The following ASTN1 variants were observed in gnomAD, a reference collection of about 807,000 sequenced individuals.
The protein encoded by ASTN1 is astrotactin 1.
A neutral mutation model predicts 140.7 loss-of-function variants in ASTN1; 41 were observed. The ratio of observed to expected loss-of-function variants is 0.29; its 90% CI spans 0.23 to 0.38. The LOEUF (loss-of-function observed/expected upper bound fraction) is 0.38. Ranked by LOEUF, ASTN1 falls within the 10% of genes least tolerant of loss-of-function variation. The pLI, the probability that ASTN1 is intolerant of heterozygous loss-of-function variation, is 1.00. For missense variants in ASTN1, 1,479 were observed against 1,678.8 expected (o/e 0.88, Z 2.08); for synonymous variants, 640 against 652.2 (o/e 0.98, Z 0.29).
Position 177,115,852 on chromosome 1 carries a change from G to A in ASTN1, c.283+48542C>T, listed in dbSNP as rs573581776. Reference sequence around the variant, plus strand: ...ATTCCTTCAGGTCTTCCTCTATGCCGATGTATCTACACACGCAACATTTAA... The same window carrying A: ...ATTCCTTCAGGTCTTCCTCTATGCCAATGTATCTACACACGCAACATTTAA... On this transcript the variant is annotated intron_variant, in intron 1 of 22. Transcript: ENST00000361833. Among the ~76,000 whole-genome samples, 7 of 151,416 alleles carry A rather than the reference G, an allele frequency of 4.6e-5. No homozygotes were observed. The East Asian group carries it at 5.9e-4, about 13-fold the overall frequency.
At chr1:177,038,904 G>T (rs967055255) in intron 2 of ASTN1, among the ~76,000 whole-genome samples, 11 of 152,148 alleles carry the variant, frequency 7.2e-5, no homozygotes, top group Non-Finnish European at 1.3e-4. Context: ...TCAAACCAAA[G>T]AAACTGGTAG....
chr1:176,944,122 G>A, intron 13 of ASTN1, 104 bp from the exon 14 acceptor site: 1 of 1,456,036 alleles, frequency 6.9e-7, no homozygotes, highest in Non-Finnish European at 9.4e-7. Flanking sequence ...TTGTTGCCCA[G>A]GCTGGAGTGC....
chr1:176,996,646 G>T (rs557534347), intron 8 of ASTN1, among the ~76,000 whole-genome samples: 1 of 152,186 alleles, frequency 6.6e-6, no homozygotes, highest in Non-Finnish European at 1.5e-5. Flanking sequence ...CTTAATACAC[G>T]TGTAGGTTTG....
At chr1:176,917,050 C>A (rs995583185) in intron 16 of ASTN1, among the ~76,000 whole-genome samples, 4 of 152,200 alleles carry the variant, frequency 2.6e-5, no homozygotes, top group Non-Finnish European at 5.9e-5. Context: ...TTCCCTCACC[C>A]TCCTTCATTC....
intron 20 of ASTN1, among the ~76,000 whole-genome samples, chr1:176,879,487 C>T (rs1470263643): frequency 6.6e-6 from 1 of 152,188 alleles, no homozygotes; most frequent in African/African-American, 2.4e-5. Context: ...CCCTTAATTT[C>T]TAAGTGTCCT....
chr1:177,086,549 A>G (rs757157444), intron 1 of ASTN1, among the ~76,000 whole-genome samples: 45 of 152,226 alleles, frequency 3.0e-4, no homozygotes, highest in Admixed American at 5.9e-4. Flanking sequence ...TTATGCACAT[A>G]TGATGGAATA....
chr1:176,987,482 C>T (rs1159411330), intron 8 of ASTN1, among the ~76,000 whole-genome samples: 1 of 152,172 alleles, frequency 6.6e-6, no homozygotes, highest in Non-Finnish European at 1.5e-5. Flanking sequence ...TACTCTATAG[C>T]TTCCCATTTC....
intron 2 of ASTN1, among the ~76,000 whole-genome samples, chr1:177,055,777 C>T (rs569475947): frequency 1.3e-5 from 2 of 152,112 alleles, no homozygotes; most frequent in African/African-American, 2.4e-5. Context: ...ATTAGAGCAT[C>T]CTAAGTTGAA....
At chr1:176,886,362 G>T (rs1279665143) in intron 18 of ASTN1, among the ~76,000 whole-genome samples, 3 of 152,188 alleles carry the variant, frequency 2.0e-5, no homozygotes, top group Non-Finnish European at 2.9e-5. Context: ...TGGATCTTGT[G>T]TCCACCTGAT....
rs200162298 is a variant in ASTN1, at chr1:176,873,920, T to C, written c.3463+2617A>G. On this transcript the variant is annotated intron_variant, in intron 21 of 22. Coordinates refer to ENST00000361833, the MANE Select transcript of ASTN1 (RefSeq NM_004319.3). ...GAGCCCCGCATGGAAAACTGTGTAG[T>C]TGTCTGCTCCCAGCAAACTTCCCTA... is the stretch of plus-strand genomic sequence containing the variant. Among the ~76,000 whole-genome samples, 15 of 152,266 alleles carry C rather than the reference T, an allele frequency of 9.9e-5. No homozygotes were observed. The East Asian group carries it at 2.9e-3, about 29-fold the overall frequency.
At position 176,934,149 on chromosome 1, in the gene ASTN1, C is replaced by A; in HGVS notation, c.2671+3G>T. ...GGAATTTGCCAACAAGCATGCCACT[C>A]ACCTTTACTGATGTCTTCATACTCC... is the stretch of plus-strand genomic sequence containing the variant. On this transcript the variant is annotated splice_donor_region_variant and intron_variant, in intron 16 of 22. Coordinates refer to ENST00000361833, the MANE Select transcript of ASTN1 (RefSeq NM_004319.3). 1 of 1,603,242 alleles carries A rather than the reference C, an allele frequency of 6.2e-7. No homozygotes were observed. The highest frequency in any genetic ancestry group is 8.5e-7 in the Non-Finnish European group (1 of 1,171,244).
At chr1:177,016,536 G>C (rs760980917) in intron 7 of ASTN1, among the ~76,000 whole-genome samples, 10 of 152,232 alleles carry the variant, frequency 6.6e-5, no homozygotes, top group South Asian at 6.2e-4. Context: ...GATGAAGGCT[G>C]TTTATTTGAG....
intron 16 of ASTN1, among the ~76,000 whole-genome samples, chr1:176,898,884 C>A (rs942405554): frequency 1.3e-5 from 2 of 152,120 alleles, no homozygotes; most frequent in African/African-American, 2.4e-5. Context: ...ATATTCTAGT[C>A]CAATAAATAC....
chr1:177,014,478 C>T (rs1038082161), intron 8 of ASTN1, among the ~76,000 whole-genome samples: 1 of 152,172 alleles, frequency 6.6e-6, no homozygotes, highest in Admixed American at 6.5e-5. Flanking sequence ...ACAAAATCAT[C>T]AGCTAAATTC....
chr1:176,928,343 C>A (rs1197149850), intron 16 of ASTN1, among the ~76,000 whole-genome samples: 1 of 152,010 alleles, frequency 6.6e-6, no homozygotes, highest in Admixed American at 6.6e-5. Context: ...CTGTTTTCTG[C>A]ATTTTGATTA....
chr1:176,918,458 CGG>C (rs1670586180), intron 16 of ASTN1, among the ~76,000 whole-genome samples: 1 of 152,144 alleles, frequency 6.6e-6, no homozygotes, highest in Non-Finnish European at 1.5e-5. Context: ...GCTCACCCCC[CGG>C]CAACATGTTC....
At position 176,862,847 on chromosome 1, in the gene ASTN1, A is replaced by T; in HGVS notation, c.*1437T>A. 2 of 985,446 alleles carry T rather than the reference A, an allele frequency of 2.0e-6. No individual in the cohort carries two copies. Among genetic ancestry groups the T allele is most frequent in the South Asian group, 9.4e-5 (2 of 21,288 alleles). 61.0% of individuals were successfully genotyped at this position (985,446 alleles called of 1,614,324 possible). ...CTACTACTATTTAGAAAAAAAACCA[A>T]TATAGCTCAATGACTAGCCTTATAG... On this transcript the variant is annotated 3_prime_UTR_variant, in exon 23 of 23. Coordinates refer to ENST00000361833, the MANE Select transcript of ASTN1 (RefSeq NM_004319.3).
At chr1:177,074,954 C>A (rs1678816442) in intron 1 of ASTN1, among the ~76,000 whole-genome samples, 1 of 152,142 alleles carries the variant, frequency 6.6e-6, no homozygotes, top group African/African-American at 2.4e-5. Context: ...TAACTGGCAC[C>A]ATTTTCTCAT....
intron 19 of ASTN1, among the ~76,000 whole-genome samples, chr1:176,883,632 A>G (rs1215655651): frequency 2.0e-5 from 3 of 152,212 alleles, no homozygotes; most frequent in African/African-American, 7.2e-5. Context: ...CTATGCCTGA[A>G]GCAGCAGCTG....
Sources: allele counts gnomAD v4.1 joint callset (sites outside exome capture counted in the v4.1 genomes callset), GRCh38; gene constraint gnomAD v4.1.1; transcripts MANE v1.5; gene names NCBI Gene and HGNC (gene_info 2026-07-23, HGNC 2026-07-21).